The following NRIP1 variants were observed in gnomAD, a reference collection of about 807,000 sequenced individuals.
NRIP1 encodes nuclear receptor interacting protein 1, also known as nuclear receptor-interacting protein 1.
A neutral mutation model predicts 75.0 loss-of-function variants in NRIP1; 28 were observed. The observed-to-expected ratio is 0.37, with a 90% CI of 0.28 to 0.51. The LOEUF (loss-of-function observed/expected upper bound fraction) is 0.51, where lower values mean the gene tolerates loss of function less well. Among genes scored for constraint, NRIP1 ranks in the 20% least tolerant of loss-of-function variants. The pLI, the probability that NRIP1 is intolerant of heterozygous loss-of-function variation, is 0.92. For missense variants in NRIP1, 1,435 were observed against 1,343.7 expected (o/e 1.07, Z -1.06); for synonymous variants, 526 against 487.6 (o/e 1.08, Z -1.04).
chr21:14,987,034 A>AGC lies in NRIP1; in HGVS notation c.-334-18509_-334-18508insGC. Among the ~76,000 whole-genome samples, 2 of 152,276 alleles carry AGC rather than the reference A, an allele frequency of 1.3e-5. 1 individual carries two copies. Among genetic ancestry groups the AGC allele is most frequent in the African/African-American group, 4.8e-5 (2 of 41,560 alleles). The stretch of plus-strand genomic sequence containing the variant: ...CTGTCTGATGCTTAATCCCCTTTAT[A>AGC]ACCCATTTGCTATCTCTGGATATCT... On this transcript the variant is annotated intron_variant, in intron 3 of 3. Coordinates refer to ENST00000318948, the MANE Select transcript of NRIP1 (RefSeq NM_003489.4).
Position 14,965,282 on chromosome 21 carries a change from T to C in NRIP1, c.2911A>G (p.Asn971Asp), listed in dbSNP as rs774411633. Reference protein sequence around the residue: ...KKKGHKNNVTNSKPEFSISSL... With the variant: ...KKKGHKNNVTDSKPEFSISSL... Reference sequence around the variant, plus strand: ...GAAATGCTAAATTCAGGTTTGCTGTTGGTCACATTATTTTTGTGTCCTTTC... The same window carrying C: ...GAAATGCTAAATTCAGGTTTGCTGTCGGTCACATTATTTTTGTGTCCTTTC... Residue 971 changes from asparagine (N) to aspartate (D), a missense_variant, in exon 4 of 4, where the codon AAC becomes GAC. Physicochemically the swap from Asn to Asp is conservative, Grantham distance 23. Transcript: ENST00000318948. The C allele has an allele frequency of 1.2e-6, 2 of 1,614,024 alleles. No homozygotes were observed. The highest frequency in any genetic ancestry group is 3.3e-5 in the Admixed American group (2 of 60,000).
chr21:15,020,571 T>A (rs1372253911), intron 2 of NRIP1, among the ~76,000 whole-genome samples: 2 of 152,170 alleles, frequency 1.3e-5, no homozygotes, highest in Admixed American at 1.3e-4. Flanking sequence ...ACAATCCATT[T>A]AAAAAAATTA....
In NRIP1 at chr21:15,024,598, CTG is replaced by C. The variant is rs1370568748; in HGVS notation, c.-457-10134_-457-10133del. On this transcript the variant is annotated intron_variant, in intron 2 of 3. Transcript: ENST00000318948. ...TGTGTGTGTGTGTGTGTGTGTGTGT[CTG>C]TGTGTGTGTGTCCTATAACATTTTA... is the stretch of plus-strand genomic sequence containing the variant. Among the ~76,000 whole-genome samples, 4 of 99,098 alleles carry C rather than the reference CTG, an allele frequency of 4.0e-5. No homozygotes were observed. The South Asian group carries it at 8.4e-4, about 21-fold the overall frequency. The allele number at this position is 99,098 out of a possible 152,430, so 65.0% of individuals were successfully genotyped here.
chr21:14,983,939 T>C (rs2087318338), intron 3 of NRIP1, among the ~76,000 whole-genome samples: 1 of 152,220 alleles, frequency 6.6e-6, no homozygotes, highest in South Asian at 2.1e-4. Context: ...ACCTGTACAC[T>C]AAGAGCTCTG....
chr21:15,043,447 G>A (rs376504906), intron 2 of NRIP1, 48 bp downstream of exon 2: 1 of 152,264 alleles, frequency 6.6e-6, no homozygotes, highest in East Asian at 1.9e-4. Context: ...CAATTGGAAA[G>A]GCTTGATAAC....
intron 2 of NRIP1, among the ~76,000 whole-genome samples, chr21:15,031,091 TCGGAGGA>T (rs2088668048): frequency 2.1e-4 from 6 of 28,578 alleles, no homozygotes; most frequent in East Asian, 1.9e-3. Flanking sequence ...TGGAAGGCGC[TCGGAGGA>T]TCACCACATT....
intron 2 of NRIP1, among the ~76,000 whole-genome samples, chr21:15,041,480 T>C (rs754269140): frequency 2.0e-5 from 3 of 152,168 alleles, no homozygotes; most frequent in Admixed American, 6.6e-5. Context: ...GGAGGTTTTG[T>C]ATAAAAATAA....
intron 3 of NRIP1, among the ~76,000 whole-genome samples, chr21:14,983,377 G>C (rs2087300444): frequency 6.6e-6 from 1 of 152,152 alleles, no homozygotes; most frequent in Admixed American, 6.5e-5. Context: ...GCCTAATCCA[G>C]AGCAAGGCCC....
At chr21:14,996,780 T>C (rs1765651947) in intron 3 of NRIP1, among the ~76,000 whole-genome samples, 1 of 152,110 alleles carries the variant, frequency 6.6e-6, no homozygotes, top group Non-Finnish European at 1.5e-5. Flanking sequence ...CCCTGGCCAC[T>C]TCTAACATAA....
intron 3 of NRIP1, among the ~76,000 whole-genome samples, chr21:14,985,434 G>A (rs1568958304): frequency 6.6e-6 from 1 of 152,058 alleles, no homozygotes; most frequent in Non-Finnish European, 1.5e-5. Context: ...GAAAACATGC[G>A]TGACTAATAT....
intron 2 of NRIP1, among the ~76,000 whole-genome samples, chr21:15,033,010 G>C (rs1182545905): frequency 1.3e-5 from 2 of 152,066 alleles, no homozygotes; most frequent in Non-Finnish European, 2.9e-5. Flanking sequence ...TGGATCACGA[G>C]GTCAGGAGAT....
At position 15,014,379 on chromosome 21, in the gene NRIP1, G is replaced by C. The variant is rs979736930; in HGVS notation, c.-370C>G. 1 of 398,196 alleles carries C rather than the reference G, an allele frequency of 2.5e-6. No homozygotes were observed. The highest frequency in any genetic ancestry group is 2.1e-5 in the African/African-American group (1 of 48,630). 24.7% of individuals were successfully genotyped at this position (398,196 alleles called of 1,614,324 possible). Reference sequence around the variant, plus strand: ...CAAGCTCTGAGCCTCTGCTTTCTGAGAAAGAAAATTGAGAAGGCTGTTGAA... The same window carrying C: ...CAAGCTCTGAGCCTCTGCTTTCTGACAAAGAAAATTGAGAAGGCTGTTGAA... On this transcript the variant is annotated 5_prime_UTR_variant, in exon 3 of 4. Transcript: ENST00000318948.
intron 3 of NRIP1, among the ~76,000 whole-genome samples, chr21:14,977,702 C>T (rs1276991230): frequency 1.3e-5 from 2 of 151,838 alleles, no homozygotes; most frequent in Non-Finnish European, 2.9e-5. Flanking sequence ...AAATATATTT[C>T]TAATTACTTG....
Position 14,967,337 on chromosome 21 carries a change from T to C in NRIP1, c.856A>G (p.Lys286Glu), listed in dbSNP as rs1422895548. ...GCTGCTTGATTTGCATTTTGCGTTT[T>C]TAAAGCGTGTTCTCGAGAATACTGC... ...LQQYSREHAL[K>E]TQNANQAASE... Residue 286 changes from lysine (K) to glutamate (E), a missense_variant, in exon 4 of 4, where the codon AAA becomes GAA. Physicochemically the swap from Lys to Glu is moderately conservative, Grantham distance 56. Transcript: ENST00000318948. 1.9e-6 allele frequency: 3 copies of C among 1,614,142 alleles called. No individual in the cohort carries two copies. Among genetic ancestry groups the C allele is most frequent in the Non-Finnish European group, 2.5e-6 (3 of 1,180,008 alleles).
intron 2 of NRIP1, among the ~76,000 whole-genome samples, chr21:15,019,334 A>C (rs2088311364): frequency 6.6e-6 from 1 of 150,432 alleles, no homozygotes; most frequent in South Asian, 2.1e-4. Context: ...ACTGAAAAAG[A>C]AGTCAAAATT....
intron 2 of NRIP1, among the ~76,000 whole-genome samples, chr21:15,018,133 TTCA>T (rs1186278364): frequency 3.3e-5 from 5 of 152,162 alleles, no homozygotes; most frequent in Non-Finnish European, 5.9e-5. Flanking sequence ...TTTAAATAAC[TTCA>T]TCATAATTAT....
intron 2 of NRIP1, among the ~76,000 whole-genome samples, chr21:15,024,820 G>A (rs2088478435): frequency 6.6e-6 from 1 of 152,100 alleles, no homozygotes; most frequent in Admixed American, 6.6e-5. Flanking sequence ...AGACATAAAA[G>A]TATTTAATGT....
chr21:15,043,904 C>T (rs1206465912), intron 1 of NRIP1, among the ~76,000 whole-genome samples: 2 of 152,100 alleles, frequency 1.3e-5, no homozygotes, highest in East Asian at 1.9e-4. Flanking sequence ...CTGCAACCTC[C>T]GCCTTCCAGG....
At chr21:15,003,264 C>A (rs973138861) in intron 3 of NRIP1, among the ~76,000 whole-genome samples, 13 of 152,020 alleles carry the variant, frequency 8.6e-5, no homozygotes, top group Admixed American at 4.6e-4. Context: ...AAATTAAGAA[C>A]AAAATACTCA....
Sources: allele counts gnomAD v4.1 joint callset (sites outside exome capture counted in the v4.1 genomes callset), GRCh38; gene constraint gnomAD v4.1.1; transcripts MANE v1.5; gene names NCBI Gene and HGNC (gene_info 2026-07-23, HGNC 2026-07-21).